The following PALM2AKAP2 variants were observed in gnomAD, a reference collection of about 807,000 sequenced individuals.
The protein encoded by PALM2AKAP2 is PALM2 and AKAP2 fusion.
A neutral mutation model predicts 71.5 loss-of-function variants in PALM2AKAP2; 37 were observed. That is an observed-to-expected ratio of 0.52 (90% CI 0.40 to 0.68). The LOEUF (loss-of-function observed/expected upper bound fraction) is 0.68, where lower values mean the gene tolerates loss of function less well. PALM2AKAP2 is among the 30% of genes least tolerant of loss of function. The pLI, the probability that PALM2AKAP2 is intolerant of heterozygous loss-of-function variation, is 0.00. For missense variants in PALM2AKAP2, 1,224 were observed against 1,191.8 expected, an observed-to-expected ratio of 1.03 and a Z score of -0.40; for synonymous variants, 468 against 478.8, an observed-to-expected ratio of 0.98 and a Z score of 0.29.
chr9:110,083,103 T>C (rs1564294950), intron 1 of PALM2AKAP2, among the ~76,000 whole-genome samples: 1 of 152,130 alleles, frequency 6.6e-6, no homozygotes, highest in Non-Finnish European at 1.5e-5. Context: ...ATCACGCCAT[T>C]GCACTCCAGC....
intron 3 of PALM2AKAP2, among the ~76,000 whole-genome samples, chr9:109,917,751 C>T (rs1031959272): frequency 6.6e-6 from 1 of 152,184 alleles, no homozygotes; most frequent in Non-Finnish European, 1.5e-5. Context: ...GCCTCAGTCT[C>T]CCAAAGTGCT....
At chr9:109,725,114 G>A (rs1431237229) in intron 1 of PALM2AKAP2, among the ~76,000 whole-genome samples, 3 of 152,104 alleles carry the variant, frequency 2.0e-5, no homozygotes, top group Admixed American at 6.5e-5. Flanking sequence ...AAATTAAAAT[G>A]AGATGTCATT....
chr9:109,901,980 T>G (rs1429529382), intron 3 of PALM2AKAP2, among the ~76,000 whole-genome samples: 1 of 152,238 alleles, frequency 6.6e-6, no homozygotes, highest in Non-Finnish European at 1.5e-5. Flanking sequence ...TTCTTTTTCT[T>G]TTTTTAAATA....
rs767665322 is a variant in PALM2AKAP2 at position 109,751,554 on chromosome 9, GTAAATC to G, written c.6-28933_6-28928del. Among the ~76,000 whole-genome samples, 242 of 152,176 alleles carry G rather than the reference GTAAATC, an allele frequency of 1.6e-3. 1 individual carries two copies. The highest frequency in any genetic ancestry group is 2.8e-3 in the Non-Finnish European group (189 of 68,016). ...CTAAAAGTCATATGTACACATAATA[GTAAATC>G]GTTTCTGAGACCTCATGCGCTTGGG... is the stretch of plus-strand genomic sequence containing the variant. On this transcript the variant is annotated intron_variant, in intron 1 of 6. Transcript: ENST00000374531.
chr9:110,035,600 ATGT>A (rs1564271640), intron 7 of PALM2AKAP2, among the ~76,000 whole-genome samples: 2 of 139,948 alleles, frequency 1.4e-5, no homozygotes, highest in South Asian at 4.5e-4. Flanking sequence ...TATATAGGAT[ATGT>A]TGTGTGTTAT....
intron 1 of PALM2AKAP2, among the ~76,000 whole-genome samples, chr9:110,052,616 G>T (rs1833733643): frequency 6.6e-6 from 1 of 152,054 alleles, no homozygotes; most frequent in African/African-American, 2.4e-5. Flanking sequence ...AAAGAAATGG[G>T]GTACTTCAAG....
chr9:109,717,765 A>G (rs1828347964), intron 1 of PALM2AKAP2, among the ~76,000 whole-genome samples: 1 of 152,244 alleles, frequency 6.6e-6, no homozygotes, highest in Non-Finnish European at 1.5e-5. Context: ...CCCTCGACAG[A>G]AAAGCACATG....
At chr9:109,663,105 G>A (rs962526657) in intron 1 of PALM2AKAP2, among the ~76,000 whole-genome samples, 6 of 151,816 alleles carry the variant, frequency 4.0e-5, no homozygotes, top group Non-Finnish European at 7.4e-5. Context: ...TTTGGCTAGC[G>A]GTCTACCAAT....
intron 1 of PALM2AKAP2, among the ~76,000 whole-genome samples, chr9:110,091,653 G>A (rs1032730911): frequency 6.6e-6 from 1 of 151,764 alleles, no homozygotes; most frequent in Non-Finnish European, 1.5e-5. Context: ...TAGTAGAGAT[G>A]GGGTTTCACC....
chr9:109,743,798 A>G (rs1364034276), intron 1 of PALM2AKAP2, among the ~76,000 whole-genome samples: 1 of 152,200 alleles, frequency 6.6e-6, no homozygotes, highest in Non-Finnish European at 1.5e-5. Flanking sequence ...ATAACAGGAG[A>G]CATGTCTTTC....
intron 1 of PALM2AKAP2, among the ~76,000 whole-genome samples, chr9:110,129,510 C>G (rs1321563096): frequency 3.3e-5 from 5 of 152,192 alleles, no homozygotes; most frequent in African/African-American, 4.8e-5. Context: ...TTCTCTATAC[C>G]TCTTATTCTG....
rs547484390 is a variant in PALM2AKAP2 at position 109,652,034 on chromosome 9, C to A, written c.5+11168C>A. ...TAAATGGATGCTACCTAAATTACTG[C>A]CAAGTCAATTAAGTCTATACCATCA... On this transcript the variant is annotated intron_variant, in intron 1 of 6. Transcript: ENST00000374531. Among the ~76,000 whole-genome samples the A allele has an allele frequency of 2.6e-5, 4 of 152,136 alleles. No individual in the cohort carries two copies. In the East Asian group the frequency reaches 7.7e-4, roughly 29 times the overall value.
chr9:109,751,625 T>G (rs1828887473), intron 1 of PALM2AKAP2, among the ~76,000 whole-genome samples: 1 of 152,176 alleles, frequency 6.6e-6, no homozygotes, highest in Admixed American at 6.6e-5. Context: ...GTTGGAGTTT[T>G]GCAGCAGTTT....
chr9:109,733,386 C>G (rs1181462935), intron 1 of PALM2AKAP2, among the ~76,000 whole-genome samples: 4 of 152,154 alleles, frequency 2.6e-5, no homozygotes, highest in Admixed American at 2.0e-4. Context: ...GTTAACAATA[C>G]TTTAGGGTGA....
intron 3 of PALM2AKAP2, among the ~76,000 whole-genome samples, chr9:109,892,319 C>T (rs1281421293): frequency 6.6e-6 from 1 of 152,132 alleles, no homozygotes; most frequent in Non-Finnish European, 1.5e-5. Flanking sequence ...GTGTCTTCTC[C>T]TTTGTCTCTC....
intron 6 of PALM2AKAP2, among the ~76,000 whole-genome samples, chr9:109,996,464 T>C (rs7855047): frequency 0.87 from 132,480 of 152,306 alleles, 57,980 homozygotes; most frequent in African/African-American, 0.97. Flanking sequence ...TGGCACAGGC[T>C]AGCCAAAACA....
intron 1 of PALM2AKAP2, among the ~76,000 whole-genome samples, chr9:109,866,801 T>A (rs1344148981): frequency 5.9e-5 from 9 of 152,162 alleles, no homozygotes; most frequent in Admixed American, 3.9e-4. Flanking sequence ...GAAGAACTTG[T>A]CAGAAGTCAG....
intron 1 of PALM2AKAP2, among the ~76,000 whole-genome samples, chr9:110,054,063 G>C (rs1452466599): frequency 6.6e-6 from 1 of 152,204 alleles, no homozygotes; most frequent in Non-Finnish European, 1.5e-5. Context: ...GTGAGATCTT[G>C]GTCTGTCACA....
intron 1 of PALM2AKAP2, among the ~76,000 whole-genome samples, chr9:109,754,725 G>A (rs1773906291): frequency 6.6e-6 from 1 of 152,086 alleles, no homozygotes; most frequent in African/African-American, 2.4e-5. Context: ...ACATAACTGA[G>A]AGGAGAAGCA....
Sources: gnomAD v4.1 joint callset for allele counts (sites outside exome capture counted in the v4.1 genomes callset) on GRCh38, gnomAD v4.1.1 for gene constraint, MANE v1.5 for transcripts, NCBI Gene and HGNC (gene_info 2026-07-23, HGNC 2026-07-21) for gene names.